The following RBMS3 variants were observed in gnomAD, a reference collection of about 807,000 sequenced individuals.
The protein encoded by RBMS3 is RNA binding motif single stranded interacting protein 3, also known as RNA-binding motif, single-stranded-interacting protein 3.
Under a neutral mutation model 66.8 loss-of-function variants are expected in RBMS3, and 27 were observed. That is an observed-to-expected ratio of 0.40 (90% confidence interval 0.30 to 0.56). RBMS3 has a LOEUF of 0.56. Among genes scored for constraint, RBMS3 ranks in the 20% least tolerant of loss-of-function variants. The pLI is 0.40. For synonymous variants in RBMS3, 188 were observed against 183.0 expected (o/e 1.03, Z -0.22); for missense variants, 513 against 549.5 (o/e 0.93, Z 0.66).
At chr3:29,469,120 C>T (rs2042636595) in intron 2 of RBMS3, among the ~76,000 whole-genome samples, 1 of 152,034 alleles carries the variant, frequency 6.6e-6, no homozygotes, top group Non-Finnish European at 1.5e-5. Flanking sequence ...CTTGAAATGC[C>T]TAATTTAGAT....
intron 5 of RBMS3, 170 bp downstream of exon 5, chr3:29,740,047 A>G (rs978642393): frequency 6.2e-6 from 3 of 483,088 alleles, no homozygotes; most frequent in Middle Eastern, 5.8e-4. Context: ...GAGCTAAATA[A>G]TTTCAATGTA....
At chr3:29,675,152 C>T (rs1325347059) in intron 4 of RBMS3, among the ~76,000 whole-genome samples, 1 of 152,138 alleles carries the variant, frequency 6.6e-6, no homozygotes, top group Non-Finnish European at 1.5e-5. Flanking sequence ...CTTTGACAAA[C>T]TTGACAAAAA....
intron 7 of RBMS3, among the ~76,000 whole-genome samples, chr3:29,872,279 T>G (rs1336537847): frequency 6.6e-6 from 1 of 152,150 alleles, no homozygotes; most frequent in African/African-American, 2.4e-5. Flanking sequence ...TATTAAAATA[T>G]ATTTTTTAAA....
intron 1 of RBMS3, among the ~76,000 whole-genome samples, chr3:29,351,052 C>T (rs1196021057): frequency 6.6e-6 from 1 of 151,986 alleles, no homozygotes; most frequent in African/African-American, 2.4e-5. Context: ...TATGCCTATA[C>T]CAACTTGCTT....
At chr3:29,451,797 A>G (rs1485967132) in intron 2 of RBMS3, among the ~76,000 whole-genome samples, 1 of 152,222 alleles carries the variant, frequency 6.6e-6, no homozygotes, top group Non-Finnish European at 1.5e-5. Flanking sequence ...TAGCCAGCTT[A>G]GATAGTAAAT....
chr3:29,604,141 A>G (rs1054572628), intron 4 of RBMS3, among the ~76,000 whole-genome samples: 16 of 152,006 alleles, frequency 1.1e-4, no homozygotes, highest in Admixed American at 3.9e-4. Context: ...TTGGAATAAT[A>G]AAACCAGATC....
chr3:29,598,919 A>G lies in RBMS3; in HGVS notation c.399+11714A>G, dbSNP rs1264736284. 5.3e-5 allele frequency among the ~76,000 whole-genome samples: 8 copies of G among 152,228 alleles called. No homozygotes were observed. The East Asian group carries it at 1.5e-3, about 29-fold the overall frequency. On this transcript the variant is annotated intron_variant, in intron 4 of 14. Transcript: ENST00000383767. The stretch of plus-strand genomic sequence containing the variant: ...AGTAGGGCAAAATGAAGAAACATTA[A>G]GCTAAGGAGCAAAGAGAACTAAGTG...
chr3:29,856,532 A>G (rs991774414), intron 6 of RBMS3, among the ~76,000 whole-genome samples: 2 of 152,236 alleles, frequency 1.3e-5, no homozygotes, highest in Non-Finnish European at 2.9e-5. Flanking sequence ...GGGTGATTAA[A>G]GTAAAATTTA....
In RBMS3 at chr3:29,433,404, C is replaced by T. The variant is rs550270543; in HGVS notation, c.76-1339C>T. ...TTTTGGGTAGCATTTGGGGTCACAA[C>T]TGAGAAAATCTGGGACAGTTATATA... On this transcript the variant is annotated intron_variant, in intron 1 of 14. Transcript: ENST00000383767. Among the ~76,000 whole-genome samples the T allele has an allele frequency of 9.3e-4, 142 of 152,202 alleles. 1 individual carries two copies. Among genetic ancestry groups the T allele is most frequent in the South Asian group, 2.5e-3 (12 of 4,814 alleles).
chr3:29,778,760 A>C (rs1364312328), intron 6 of RBMS3, among the ~76,000 whole-genome samples: 5 of 151,832 alleles, frequency 3.3e-5, no homozygotes, highest in African/African-American at 1.2e-4. Context: ...CTTCTGTACT[A>C]GTGTTGCAAG....
intron 6 of RBMS3, among the ~76,000 whole-genome samples, chr3:29,769,049 C>A (rs1229497317): frequency 6.6e-6 from 1 of 151,734 alleles, no homozygotes; most frequent in East Asian, 2.0e-4. Flanking sequence ...ATTTCATGGC[C>A]CAAATGTACT....
In RBMS3 at chr3:29,783,591, C is replaced by A. The variant is rs1200517521; in HGVS notation, c.637+20602C>A. ...CCCTCAAAAATACACCAAAATAGAA[C>A]CTCCATAAAGCATAAACCTCACAGG... On this transcript the variant is annotated intron_variant, in intron 6 of 14. Coordinates refer to ENST00000383767, the MANE Select transcript of RBMS3 (RefSeq NM_001003793.3). Among the ~76,000 whole-genome samples the A allele has an allele frequency of 3.3e-5, 5 of 152,140 alleles. No individual in the cohort carries two copies. The East Asian group carries it at 9.7e-4, about 29-fold the overall frequency.
At chr3:29,744,558 C>G (rs1170025798) in intron 5 of RBMS3, among the ~76,000 whole-genome samples, 1 of 152,038 alleles carries the variant, frequency 6.6e-6, no homozygotes, top group Non-Finnish European at 1.5e-5. Flanking sequence ...CCAAGGCAGG[C>G]AGATCATGAG....
At chr3:29,668,555 C>A (rs1006963899) in intron 4 of RBMS3, among the ~76,000 whole-genome samples, 1 of 152,110 alleles carries the variant, frequency 6.6e-6, no homozygotes, top group Non-Finnish European at 1.5e-5. Context: ...CTTTCAGTAT[C>A]CCACTAGTAA....
intron 14 of RBMS3, among the ~76,000 whole-genome samples, chr3:29,998,321 G>A (rs62235545): frequency 0.14 from 21,579 of 152,012 alleles, 1,780 homozygotes; most frequent in East Asian, 0.2. Context: ...AATCAATATC[G>A]TGAAATTGGC....
chr3:29,602,509 G>T (rs1325830267), intron 4 of RBMS3, among the ~76,000 whole-genome samples: 1 of 151,960 alleles, frequency 6.6e-6, no homozygotes, highest in Non-Finnish European at 1.5e-5. Context: ...TTATTAACTG[G>T]ACTATGTGCT....
chr3:29,646,630 A>G (rs2049931814), intron 4 of RBMS3, among the ~76,000 whole-genome samples: 1 of 149,882 alleles, frequency 6.7e-6, no homozygotes, highest in African/African-American at 2.5e-5. Flanking sequence ...TTCATACCAA[A>G]TCATTTCTAT....
chr3:29,857,109 T>C (rs1212906984), intron 6 of RBMS3, among the ~76,000 whole-genome samples: 15 of 152,212 alleles, frequency 9.9e-5, no homozygotes, highest in Non-Finnish European at 2.9e-5. Context: ...CATTGTAACA[T>C]AGAGCTTTCA....
intron 4 of RBMS3, among the ~76,000 whole-genome samples, chr3:29,723,610 ATTG>A (rs1301556072): frequency 6.6e-6 from 1 of 152,120 alleles, no homozygotes; most frequent in Non-Finnish European, 1.5e-5. Context: ...CTTAGCTAAT[ATTG>A]TTGTCCTATT....
Sources: allele counts gnomAD v4.1 joint callset (sites outside exome capture counted in the v4.1 genomes callset), GRCh38; gene constraint gnomAD v4.1.1; transcripts MANE v1.5; gene names NCBI Gene and HGNC (gene_info 2026-07-23, HGNC 2026-07-21).